Variants in NXPE2 observed in about 807,000 individuals in gnomAD.
NXPE2 encodes the protein NXPE family member 2.
In NXPE2, 34 loss-of-function variants were observed where a neutral mutation model predicts 34.4. The ratio of observed to expected loss-of-function variants is 0.99; its 90% confidence interval spans 0.75 to 1.31. NXPE2 has a LOEUF of 1.31. Among genes scored for constraint, NXPE2 ranks in the 40% most tolerant of loss-of-function variants. The probability of loss-of-function intolerance (pLI) is 0.00; values close to 1 mark genes in which losing one functional copy is unlikely to be tolerated. For missense variants in NXPE2, 649 were observed against 672.5 expected, an observed-to-expected ratio of 0.97 and a Z score of 0.39; for synonymous variants, 235 against 231.3, an observed-to-expected ratio of 1.02 and a Z score of -0.15.
the NXPE2 span, among the ~76,000 whole-genome samples, chr11:114,808,405 G>A: frequency 1.3e-5 from 2 of 151,268 alleles, no homozygotes; most frequent in Non-Finnish European, 2.9e-5. Context: ...GAATCCAGGA[G>A]CTGGTTTTTT....
chr11:114,636,361 T>A, the NXPE2 span, among the ~76,000 whole-genome samples: 1 of 151,980 alleles, frequency 6.6e-6, no homozygotes, highest in Non-Finnish European at 1.5e-5. Flanking sequence ...TCTTTTTTTC[T>A]TTATTAGTCT....
the NXPE2 span, among the ~76,000 whole-genome samples, chr11:114,634,837 A>G: frequency 6.6e-6 from 1 of 152,028 alleles, no homozygotes; most frequent in African/African-American, 2.4e-5. Context: ...CTGTTTTGGT[A>G]TCAGTGCTAT....
At chr11:114,627,299 C>A in the NXPE2 span, among the ~76,000 whole-genome samples, 1 of 152,006 alleles carries the variant, frequency 6.6e-6, no homozygotes, top group Non-Finnish European at 1.5e-5. Context: ...AAGGGAAGCC[C>A]ATCAGACTAA....
chr11:114,537,082 GT>G, the NXPE2 span, among the ~76,000 whole-genome samples: 1 of 152,058 alleles, frequency 6.6e-6, no homozygotes, highest in South Asian at 2.1e-4. Context: ...CTTATCCACC[GT>G]GATCAAATGG....
At chr11:114,716,357 C>T in the NXPE2 span, among the ~76,000 whole-genome samples, 1 of 152,122 alleles carries the variant, frequency 6.6e-6, no homozygotes, top group African/African-American at 2.4e-5. Context: ...TTCTGATGCT[C>T]CATGGAGATC....
the NXPE2 span, among the ~76,000 whole-genome samples, chr11:114,486,465 G>T: frequency 6.6e-6 from 1 of 151,886 alleles, no homozygotes; most frequent in Admixed American, 6.6e-5. Context: ...TTCACTTTGT[G>T]GATTGTTTCC....
chr11:114,790,512 A>G, the NXPE2 span, among the ~76,000 whole-genome samples: 2 of 152,132 alleles, frequency 1.3e-5, no homozygotes, highest in African/African-American at 4.8e-5. Context: ...CATACTCCCA[A>G]TCACGAGGTT....
At chr11:114,796,784 G>A in the NXPE2 span, among the ~76,000 whole-genome samples, 1 of 152,206 alleles carries the variant, frequency 6.6e-6, no homozygotes. Context: ...AGAGTGATGA[G>A]TGCTCAGATG....
chr11:114,793,792 G>C, the NXPE2 span, among the ~76,000 whole-genome samples: 1 of 152,192 alleles, frequency 6.6e-6, no homozygotes, highest in African/African-American at 2.4e-5. Flanking sequence ...ATCACTGAAA[G>C]AGAAGGATGT....
chr11:114,518,884 T>C, the NXPE2 span, among the ~76,000 whole-genome samples: 1 of 147,106 alleles, frequency 6.8e-6, no homozygotes, highest in Non-Finnish European at 1.5e-5. Context: ...CATTTACATA[T>C]TCATGCTATA....
chr11:114,725,259 A>T, the NXPE2 span, among the ~76,000 whole-genome samples: 1 of 152,168 alleles, frequency 6.6e-6, no homozygotes, highest in Non-Finnish European at 1.5e-5. Context: ...AGGCTTGTTA[A>T]CAAGTGTGTT....
the NXPE2 span, among the ~76,000 whole-genome samples, chr11:114,739,082 A>T: frequency 6.6e-6 from 1 of 152,260 alleles, no homozygotes; most frequent in East Asian, 1.9e-4. Flanking sequence ...TTAAGCAGGC[A>T]AGTTTAAAGT....
the NXPE2 span, among the ~76,000 whole-genome samples, chr11:114,520,820 T>C: frequency 5.0e-3 from 755 of 152,342 alleles, 4 homozygotes; most frequent in African/African-American, 0.017. Context: ...TGAGCATCTT[T>C]CTTACAGATC....
At chr11:114,640,105 T>C in the NXPE2 span, among the ~76,000 whole-genome samples, 1 of 125,362 alleles carries the variant, frequency 8.0e-6, no homozygotes, top group African/African-American at 3.1e-5. Flanking sequence ...TATATGATTA[T>C]ATATTGTATT....
At chr11:114,761,597 C>T in the NXPE2 span, among the ~76,000 whole-genome samples, 1 of 129,448 alleles carries the variant, frequency 7.7e-6, no homozygotes, top group Non-Finnish European at 1.6e-5. Flanking sequence ...GACGGAGTCT[C>T]GCTCTGTCGC....
the NXPE2 span, among the ~76,000 whole-genome samples, chr11:114,581,359 G>A: frequency 6.6e-6 from 1 of 152,114 alleles, no homozygotes; most frequent in Non-Finnish European, 1.5e-5. Context: ...AGATGGTGAT[G>A]GGCTAGTGGT....
chr11:114,504,815 C>T, the NXPE2 span, among the ~76,000 whole-genome samples: 3 of 152,150 alleles, frequency 2.0e-5, no homozygotes, highest in African/African-American at 7.2e-5. Flanking sequence ...TCAACAAGCT[C>T]GAGTGCCTTC....
chr11:114,707,015 T>C lies in NXPE2; in HGVS notation c.*85T>C. ...AGATAGTTTAATGCAATCCAAGTTT[T>C]GAGGAAACTAAATTTGAAAAAGTTC... is the stretch of plus-strand genomic sequence containing the variant. On this transcript the variant is annotated 3_prime_UTR_variant, in exon 6 of 6. Coordinates refer to ENST00000389586, the MANE Select transcript of NXPE2 (RefSeq NM_182495.6). 1 of 1,083,444 alleles carries C rather than the reference T, an allele frequency of 9.2e-7. No individual in the cohort carries two copies. Among genetic ancestry groups the C allele is most frequent in the Non-Finnish European group, 1.3e-6 (1 of 777,054 alleles). 67.1% of individuals were successfully genotyped at this position (1,083,444 alleles called of 1,614,324 possible). A position where few individuals can be genotyped will look rare whatever the true frequency, so the allele number is the denominator to read the frequency against.
the NXPE2 span, among the ~76,000 whole-genome samples, chr11:114,628,433 C>T: frequency 1.1e-4 from 16 of 152,144 alleles, no homozygotes; most frequent in South Asian, 2.1e-4. Context: ...GGGTACATAA[C>T]GAAATGAAAG....
Sources: gnomAD v4.1 joint callset for allele counts (sites outside exome capture counted in the v4.1 genomes callset) on GRCh38, gnomAD v4.1.1 for gene constraint, MANE v1.5 for transcripts, NCBI Gene and HGNC (gene_info 2026-07-23, HGNC 2026-07-21) for gene names.